POT1: variants seen among roughly 807,000 people sequenced by gnomAD.
POT1 encodes the protein protection of telomeres protein 1.
POT1 carries 47 observed loss-of-function variants against 78.5 expected under a neutral mutation model. The observed-to-expected ratio is 0.60, with a 90% CI of 0.47 to 0.76. The LOEUF (loss-of-function observed/expected upper bound fraction) is 0.76. POT1 is among the 30% of genes least tolerant of loss of function. The pLI, the probability that POT1 is intolerant of heterozygous loss-of-function variation, is 0.00. For synonymous variants in POT1, 259 were observed against 260.7 expected (o/e 0.99, Z 0.06); for missense variants, 646 against 749.9 (o/e 0.86, Z 1.62).
intron 6 of POT1, among the ~76,000 whole-genome samples, chr7:124,877,083 T>C (rs1796007097): frequency 6.6e-6 from 1 of 152,166 alleles, no homozygotes; most frequent in African/African-American, 2.4e-5. Context: ...AGTCACATAA[T>C]TGTGAAATTA....
rs143386948 is a variant in POT1 at position 124,919,601 on chromosome 7, AAC to A, written c.-226-3957_-226-3956del. Among the ~76,000 whole-genome samples the A allele has an allele frequency of 1.7e-3, 265 of 152,210 alleles. 12 individuals are homozygous for A. In the East Asian group the frequency reaches 0.046, roughly 27 times the overall value. On this transcript the variant is annotated intron_variant, in intron 2 of 18. Transcript: ENST00000357628. ...AAGAAAATGGGACACACAGAAACAC[AAC>A]AGAGTCTCAGGCACGTACAGAGAAA...
intron 6 of POT1, among the ~76,000 whole-genome samples, chr7:124,890,602 A>T (rs1376912553): frequency 6.6e-6 from 1 of 151,874 alleles, no homozygotes; most frequent in Non-Finnish European, 1.5e-5. Flanking sequence ...CAGCTACACC[A>T]GTCTTCAGAA....
intron 9 of POT1, among the ~76,000 whole-genome samples, chr7:124,858,423 C>T (rs988831712): frequency 2.2e-4 from 34 of 152,128 alleles, no homozygotes; most frequent in African/African-American, 6.5e-4. Context: ...CTAAACTGTG[C>T]ACCTTAATGT....
chr7:124,880,575 T>C (rs1327176354), intron 6 of POT1, among the ~76,000 whole-genome samples: 2 of 152,036 alleles, frequency 1.3e-5, no homozygotes, highest in Non-Finnish European at 2.9e-5. Context: ...AATTTAGATT[T>C]AATCTAAATT....
At chr7:124,873,681 C>T (rs1383735553) in intron 6 of POT1, among the ~76,000 whole-genome samples, 1 of 152,040 alleles carries the variant, frequency 6.6e-6, no homozygotes. Flanking sequence ...TGTTAGTTCT[C>T]CATTGAATGT....
intron 6 of POT1, among the ~76,000 whole-genome samples, chr7:124,891,330 T>C (rs1364989553): frequency 1.3e-5 from 2 of 151,754 alleles, no homozygotes; most frequent in African/African-American, 4.8e-5. Context: ...GTATGGCCAC[T>C]TCTCCTCTTT....
At chr7:124,882,138 T>C (rs1298410807) in intron 6 of POT1, among the ~76,000 whole-genome samples, 1 of 152,012 alleles carries the variant, frequency 6.6e-6, no homozygotes, top group African/African-American at 2.4e-5. Context: ...TAGTTCATCT[T>C]AGCAAGGTTT....
chr7:124,859,670 A>G (rs1229237260), intron 8 of POT1, among the ~76,000 whole-genome samples: 1 of 151,632 alleles, frequency 6.6e-6, no homozygotes, highest in East Asian at 1.9e-4. Flanking sequence ...TACAGGTGAG[A>G]CATACAAATT....
Position 124,913,954 on chromosome 7 carries a change from T to G in POT1, c.-154+1620A>C, listed in dbSNP as rs533295504. ...ATCAAGACCATCCTGGCTAACATGGTGAAACCCCGTCTCTACTAAAAATAC... is the reference window on the plus strand; with the variant it reads ...ATCAAGACCATCCTGGCTAACATGGGGAAACCCCGTCTCTACTAAAAATAC... On this transcript the variant is annotated intron_variant, in intron 3 of 18. Coordinates refer to ENST00000357628, the MANE Select transcript of POT1 (RefSeq NM_015450.3). Among the ~76,000 whole-genome samples the G allele has an allele frequency of 3.1e-3, 475 of 151,918 alleles. 3 individuals carry two copies. Among genetic ancestry groups the G allele is most frequent in the Non-Finnish European group, 5.0e-3 (343 of 67,968 alleles).
At chr7:124,846,162 G>GACACACTGACACACAC (rs1554421658) in intron 12 of POT1, among the ~76,000 whole-genome samples, 3 of 148,718 alleles carry the variant, frequency 2.0e-5, no homozygotes, top group Admixed American at 6.7e-5. Context: ...CATTCATACT[G>GACACACTGACACACAC]ACACACACAC....
At position 124,920,463 on chromosome 7, in the gene POT1, G is replaced by A. The variant is rs546971594; in HGVS notation, c.-226-4817C>T. On this transcript the variant is annotated intron_variant, in intron 2 of 18. Coordinates refer to ENST00000357628, the MANE Select transcript of POT1 (RefSeq NM_015450.3). ...TATAAAATTTTGGAAGGTGATGAAC[G>A]AATTGATTGTGATTGTGGTTACATA... is the stretch of plus-strand genomic sequence containing the variant. Among the ~76,000 whole-genome samples the A allele has an allele frequency of 1.4e-3, 220 of 152,240 alleles. 1 individual carries two copies. The highest frequency in any genetic ancestry group is 5.2e-3 in the African/African-American group (215 of 41,560).
At chr7:124,855,274 G>A (rs898750495) in intron 9 of POT1, among the ~76,000 whole-genome samples, 11 of 141,568 alleles carry the variant, frequency 7.8e-5, no homozygotes, top group African/African-American at 1.6e-4. Context: ...AAGAAGGTTC[G>A]ATGTGTAGAG....
chr7:124,862,681 C>G (rs983924885), intron 8 of POT1, among the ~76,000 whole-genome samples: 3 of 152,094 alleles, frequency 2.0e-5, no homozygotes, highest in African/African-American at 7.2e-5. Flanking sequence ...CCCTATTATT[C>G]CAAAGATAGT....
intron 6 of POT1, among the ~76,000 whole-genome samples, chr7:124,873,919 TG>T (rs943215702): frequency 2.0e-5 from 3 of 151,928 alleles, no homozygotes; most frequent in African/African-American, 7.3e-5. Context: ...TACTACAAGG[TG>T]GCTACAGTGA....
intron 6 of POT1, among the ~76,000 whole-genome samples, chr7:124,873,961 G>A (rs1795930331): frequency 6.6e-6 from 1 of 152,150 alleles, no homozygotes. Flanking sequence ...AAGGGTGAGA[G>A]TAAAAAGTAG....
intron 6 of POT1, among the ~76,000 whole-genome samples, chr7:124,888,423 C>G (rs1319630516): frequency 6.6e-6 from 1 of 151,978 alleles, no homozygotes; most frequent in Non-Finnish European, 1.5e-5. Context: ...TGATCTTTCT[C>G]AGGATTCTTT....
chr7:124,888,416 T>A (rs1455007650), intron 6 of POT1, among the ~76,000 whole-genome samples: 2 of 152,086 alleles, frequency 1.3e-5, no homozygotes, highest in African/African-American at 4.8e-5. Flanking sequence ...CCAGGTTTGA[T>A]CTTTCTCAGG....
intron 2 of POT1, among the ~76,000 whole-genome samples, chr7:124,922,127 C>T (rs964588196): frequency 6.6e-6 from 1 of 151,800 alleles, no homozygotes; most frequent in African/African-American, 2.4e-5. Context: ...AAAAAAAAGT[C>T]AACACAGAAT....
At chr7:124,879,609 G>A (rs1796071533) in intron 6 of POT1, among the ~76,000 whole-genome samples, 1 of 152,164 alleles carries the variant, frequency 6.6e-6, no homozygotes, top group Admixed American at 6.5e-5. Context: ...GGAAGAGCAG[G>A]GGGCTACCGT....
Sources: allele counts gnomAD v4.1 joint callset (sites outside exome capture counted in the v4.1 genomes callset), GRCh38; gene constraint gnomAD v4.1.1; transcripts MANE v1.5; gene names NCBI Gene and HGNC (gene_info 2026-07-23, HGNC 2026-07-21).